The following CNTN4 variants were observed in gnomAD, a reference collection of about 807,000 sequenced individuals.
The protein encoded by CNTN4 is contactin 4, also known as contactin-4.
CNTN4 carries 77 observed loss-of-function variants against 122.5 expected under a neutral mutation model. That is an observed-to-expected ratio of 0.63 (90% CI 0.52 to 0.76). The LOEUF is 0.76. Ranked by LOEUF, CNTN4 falls within the 30% of genes least tolerant of loss-of-function variation. The pLI is 0.00. For synonymous variants in CNTN4, 512 were observed against 447.0 expected, an observed-to-expected ratio of 1.15 and a Z score of -1.83; for missense variants, 1,256 against 1,259.1, an observed-to-expected ratio of 1.00 and a Z score of 0.04.
chr3:2,398,059 T>G (rs910755881), intron 3 of CNTN4, among the ~76,000 whole-genome samples: 5 of 152,160 alleles, frequency 3.3e-5, no homozygotes, highest in Admixed American at 2.6e-4. Context: ...ACTGACAAAT[T>G]AAAAATTTTC....
intron 2 of CNTN4, among the ~76,000 whole-genome samples, chr3:2,335,078 A>C (rs2043888682): frequency 6.6e-6 from 1 of 152,136 alleles, no homozygotes; most frequent in Non-Finnish European, 1.5e-5. Flanking sequence ...CCTTTGTTGT[A>C]AAATTGCGAG....
At chr3:2,330,471 T>TA (rs1471622619) in intron 2 of CNTN4, among the ~76,000 whole-genome samples, 1 of 152,154 alleles carries the variant, frequency 6.6e-6, no homozygotes, top group African/African-American at 2.4e-5. Context: ...CTAAAAGACT[T>TA]ATCACTTTGG....
intron 3 of CNTN4, among the ~76,000 whole-genome samples, chr3:2,522,868 C>G (rs1484830053): frequency 6.6e-6 from 1 of 151,974 alleles, no homozygotes; most frequent in African/African-American, 2.4e-5. Context: ...TCATCTTTGT[C>G]TCACTGTATT....
intron 3 of CNTN4, among the ~76,000 whole-genome samples, chr3:2,497,193 T>A (rs1437588317): frequency 6.6e-6 from 1 of 152,192 alleles, no homozygotes; most frequent in Non-Finnish European, 1.5e-5. Context: ...CATATGTATT[T>A]CACTGTGTTC....
At chr3:2,355,000 C>T (rs547212807) in intron 3 of CNTN4, among the ~76,000 whole-genome samples, 1 of 152,182 alleles carries the variant, frequency 6.6e-6, no homozygotes, top group Non-Finnish European at 1.5e-5. Context: ...CATAGCCTCC[C>T]AGTGGATAAG....
intron 2 of CNTN4, among the ~76,000 whole-genome samples, chr3:2,298,831 T>C (rs1409346972): frequency 1.3e-5 from 2 of 152,176 alleles, no homozygotes; most frequent in African/African-American, 4.8e-5. Context: ...TGTATGGCCA[T>C]GATAGTTTTT....
intron 2 of CNTN4, among the ~76,000 whole-genome samples, chr3:2,301,918 C>T (rs1455203766): frequency 2.6e-5 from 4 of 152,208 alleles, no homozygotes; most frequent in Non-Finnish European, 4.4e-5. Flanking sequence ...GCAATAACAT[C>T]AAGCATATAG....
chr3:2,197,834 G>A lies in CNTN4; in HGVS notation c.-145+97195G>A, dbSNP rs150040188. Among the ~76,000 whole-genome samples, 430 of 152,124 alleles carry A rather than the reference G, an allele frequency of 2.8e-3. 1 individual carries two copies. The highest frequency in any genetic ancestry group is 9.9e-3 in the African/African-American group (410 of 41,516). ...AGTTCAAGACCAATCTGGCCAACAG[G>A]TGAAACCCCGTCTCTATTAAAAATA... On this transcript the variant is annotated intron_variant, in intron 2 of 24. Transcript: ENST00000418658.
rs556194155 is a variant in CNTN4 at position 2,404,281 on chromosome 3, G to A, written c.-89+65048G>A. On this transcript the variant is annotated intron_variant, in intron 3 of 24. Coordinates refer to ENST00000418658, the MANE Select transcript of CNTN4 (RefSeq NM_175607.3). ...GTCTCACAAGGCCTACAGCAAGGTC[G>A]TGACAGGCCTTTCCCCTTCCTGGAG... is the stretch of plus-strand genomic sequence containing the variant. Among the ~76,000 whole-genome samples, 9 of 152,266 alleles carry A rather than the reference G, an allele frequency of 5.9e-5. No homozygotes were observed. The South Asian group carries it at 1.2e-3, about 21-fold the overall frequency.
At chr3:2,991,501 A>G (rs1695046078) in intron 14 of CNTN4, among the ~76,000 whole-genome samples, 1 of 152,070 alleles carries the variant, frequency 6.6e-6, no homozygotes, top group African/African-American at 2.4e-5. Context: ...CTCAGGAGTT[A>G]ACAATCCTGT....
intron 4 of CNTN4, among the ~76,000 whole-genome samples, chr3:2,677,389 G>C (rs1056309975): frequency 2.0e-4 from 30 of 151,384 alleles, no homozygotes; most frequent in African/African-American, 6.1e-4. Flanking sequence ...TTAGAGTGCA[G>C]TGAGATCTAT....
intron 12 of CNTN4, among the ~76,000 whole-genome samples, chr3:2,913,509 G>C (rs986730094): frequency 3.3e-5 from 5 of 152,148 alleles, no homozygotes; most frequent in African/African-American, 1.2e-4. Context: ...GAGCAAGGGT[G>C]ACCGTATTAA....
intron 9 of CNTN4, among the ~76,000 whole-genome samples, chr3:2,886,765 C>T (rs2093983916): frequency 6.6e-6 from 1 of 152,048 alleles, no homozygotes; most frequent in Admixed American, 6.6e-5. Context: ...CTGTCCGCCT[C>T]GGCCTCCCAA....
chr3:2,281,744 C>T (rs73008845), intron 2 of CNTN4, among the ~76,000 whole-genome samples: 2,166 of 151,988 alleles, frequency 0.014, 28 homozygotes, highest in Middle Eastern at 0.027. Context: ...TTTTGTTTAT[C>T]GTAGTATAAT....
chr3:2,340,710 T>TATATATATATATAGAGAGAGAG, intron 3 of CNTN4, among the ~76,000 whole-genome samples: 30 of 18,298 alleles, frequency 1.6e-3, no homozygotes, highest in South Asian at 4.8e-3. Flanking sequence ...TATATATATA[T>TATATATATATATAGAGAGAGAG]AGAGAGAGAG....
At chr3:2,571,896 G>T (rs2079437889) in intron 4 of CNTN4, among the ~76,000 whole-genome samples, 1 of 152,160 alleles carries the variant, frequency 6.6e-6, no homozygotes, top group African/African-American at 2.4e-5. Context: ...ATATAGTCTG[G>T]AGTGTTGCCT....
chr3:2,834,793 T>C (rs898074353), intron 7 of CNTN4, among the ~76,000 whole-genome samples: 4 of 149,200 alleles, frequency 2.7e-5, no homozygotes, highest in African/African-American at 7.4e-5. Context: ...ATACCTAGAC[T>C]ACCAACAAAA....
chr3:2,452,490 A>C (rs2048864847), intron 3 of CNTN4, among the ~76,000 whole-genome samples: 1 of 152,152 alleles, frequency 6.6e-6, no homozygotes, highest in Non-Finnish European at 1.5e-5. Context: ...AGTAATTACA[A>C]AAGTGCCAAG....
intron 3 of CNTN4, among the ~76,000 whole-genome samples, chr3:2,357,880 A>T (rs186399609): frequency 1.3e-5 from 2 of 152,330 alleles, no homozygotes; most frequent in East Asian, 3.9e-4. Context: ...ATACTGGGGT[A>T]CTCAATGAAT....
Sources: gnomAD v4.1 joint callset for allele counts (sites outside exome capture counted in the v4.1 genomes callset) on GRCh38, gnomAD v4.1.1 for gene constraint, MANE v1.5 for transcripts, NCBI Gene and HGNC (gene_info 2026-07-23, HGNC 2026-07-21) for gene names.